Variants in CPNE2 observed in about 807,000 individuals in gnomAD.
CPNE2 encodes the protein copine 2.
In CPNE2, 42 loss-of-function variants were observed where a neutral mutation model predicts 69.7. The ratio of observed to expected loss-of-function variants is 0.60; its 90% CI spans 0.47 to 0.78. The LOEUF (loss-of-function observed/expected upper bound fraction) is 0.78. Ranked by LOEUF, CPNE2 falls within the 30% of genes least tolerant of loss-of-function variation. The probability of loss-of-function intolerance (pLI) is 0.00; values close to 1 mark genes in which losing one functional copy is unlikely to be tolerated. For missense variants in CPNE2, 587 were observed against 732.0 expected (o/e 0.80, Z 2.29); for synonymous variants, 294 against 289.8 (o/e 1.01, Z -0.15).
In CPNE2 at chr16:57,113,422, G is replaced by A. The variant is rs1256977162; in HGVS notation, c.315G>A (p.Leu105=). 1.9e-6 allele frequency: 3 copies of A among 1,614,092 alleles called. No homozygotes were observed. Among genetic ancestry groups the A allele is most frequent in the Admixed American group, 3.3e-5 (2 of 60,004 alleles). The change falls in exon 3 of 16, where the codon CTG becomes CTA. Residue 105 remains leucine (L), a synonymous_variant. Coordinates refer to ENST00000290776, the MANE Select transcript of CPNE2 (RefSeq NM_152727.6). ...ACCAGGACAAGTCCAGTATGCGGCT[G>A]GACGAGCATGACTTCCTGGGCCAGT... ...LFDQDKSSMR[L]DEHDFLGQFS...
chr16:57,126,025 T>C (rs1430836261), intron 11 of CPNE2, 32 bp downstream of exon 11: 1 of 1,612,360 alleles, frequency 6.2e-7, no homozygotes, highest in Non-Finnish European at 8.5e-7. Flanking sequence ...GAAGGTCAGC[T>C]AGGGTTCCAT....
rs1191408693 is a variant in CPNE2, at chr16:57,101,971, G to C, written c.-35-8737G>C. On this transcript the variant is annotated intron_variant, in intron 1 of 15. Transcript: ENST00000290776. ...TTTTCTTTTTTTTTTTTTTGAGACA[G>C]GGTCTCACTCTGTTGCCCAGCCTGG... is the stretch of plus-strand genomic sequence containing the variant. 7.4e-5 allele frequency among the ~76,000 whole-genome samples: 11 copies of C among 149,440 alleles called. No homozygotes were observed. In the East Asian group the frequency reaches 2.2e-3, roughly 30 times the overall value.
chr16:57,105,427 C>T (rs1466176545), intron 1 of CPNE2, among the ~76,000 whole-genome samples: 1 of 150,054 alleles, frequency 6.7e-6, no homozygotes, highest in Admixed American at 6.6e-5. Context: ...TCCTATGTGT[C>T]CGGTTTTTTT....
chr16:57,116,978 C>G (rs1189585643), intron 4 of CPNE2, among the ~76,000 whole-genome samples: 1 of 152,126 alleles, frequency 6.6e-6, no homozygotes, highest in Non-Finnish European at 1.5e-5. Flanking sequence ...GGGCTGGGGT[C>G]AGGGAACCAT....
chr16:57,126,005 GA>G lies in CPNE2; in HGVS notation c.1061+13del. ...CAGGACTACGACAGGTAAGGTTGGAGAGGGGCTCTGAAGGTCAGCTAGGGTT... is the reference window on the plus strand; with the variant it reads ...CAGGACTACGACAGGTAAGGTTGGAGGGGGCTCTGAAGGTCAGCTAGGGTT... On this transcript the variant is annotated intron_variant, in intron 11 of 15. Transcript: ENST00000290776. 1 of 1,613,876 alleles carries G rather than the reference GA, an allele frequency of 6.2e-7. No individual in the cohort carries two copies.
chr16:57,139,710 A>G (rs1488767547), intron 14 of CPNE2, among the ~76,000 whole-genome samples: 6 of 152,124 alleles, frequency 3.9e-5, no homozygotes, highest in Non-Finnish European at 7.4e-5. Context: ...GGCGGTTTCA[A>G]TAGGAGTGGG....
At position 57,110,749 on chromosome 16, in the gene CPNE2, C is replaced by T. The variant is rs2069675705; in HGVS notation, c.7C>T (p.His3Tyr). 6.2e-7 allele frequency: 1 copy of T among 1,610,666 alleles called. No homozygotes were observed. The highest frequency in any genetic ancestry group is 1.1e-5 in the South Asian group (1 of 90,744). The change falls in exon 2 of 16, where the codon CAC (histidine) becomes TAC (tyrosine). Residue 3 changes from histidine to tyrosine, a missense_variant. Coordinates refer to ENST00000290776, the MANE Select transcript of CPNE2 (RefSeq NM_152727.6). MA[H>Y]IPSGGAPAAG... ...GCCACCGCCACCGGCTCCCATGGCC[C>T]ACATACCCAGTGGGGGTGCCCCAGC...
At chr16:57,105,772 G>A (rs534595472) in intron 1 of CPNE2, among the ~76,000 whole-genome samples, 6 of 152,136 alleles carry the variant, frequency 3.9e-5, no homozygotes, top group Admixed American at 2.6e-4. Context: ...TTGCCTGGGG[G>A]GTCTGGTCAC....
At chr16:57,102,922 C>T (rs28535412) in intron 1 of CPNE2, among the ~76,000 whole-genome samples, 3 of 152,114 alleles carry the variant, frequency 2.0e-5, no homozygotes, top group Admixed American at 6.5e-5. Flanking sequence ...GTTTTAACCT[C>T]GCCCCCTTTA....
chr16:57,119,512 G>A (rs1295759560), intron 6 of CPNE2, 49 bp from the exon 7 acceptor site: 2 of 1,515,644 alleles, frequency 1.3e-6, no homozygotes, highest in South Asian at 1.1e-5. Context: ...CAACCCCAGA[G>A]CACTGCTGCC....
intron 2 of CPNE2, among the ~76,000 whole-genome samples, chr16:57,111,767 A>T (rs1354820074): frequency 6.6e-6 from 1 of 152,194 alleles, no homozygotes; most frequent in East Asian, 1.9e-4. Flanking sequence ...ATGGTGCCCC[A>T]GGCAAGGACT....
chr16:57,127,802 G>T (rs977886889), intron 11 of CPNE2, 47 bp from the exon 12 acceptor site: 1 of 1,592,346 alleles, frequency 6.3e-7, no homozygotes, highest in African/African-American at 1.4e-5. Flanking sequence ...GGGTCGGGTG[G>T]TGTCCTCAGG....
Position 57,119,215 on chromosome 16 carries a change from C to G in CPNE2, c.528C>G (p.Asp176Glu). 1 of 1,614,132 alleles carries G rather than the reference C, an allele frequency of 6.2e-7. No homozygotes were observed. The highest frequency in any genetic ancestry group is 2.2e-5 in the East Asian group (1 of 44,882). The change falls in exon 6 of 16, where the codon GAC (aspartate) becomes GAG (glutamate). Residue 176 changes from aspartate to glutamate, a missense_variant. Coordinates refer to ENST00000290776, the MANE Select transcript of CPNE2 (RefSeq NM_152727.6). ...LDKKDLFGKS[D>E]PFLEFYKPGD... ...CCCAGGACCTCTTTGGGAAGTCAGA[C>G]CCCTTTCTGGAGTTTTATAAGCCAG...
intron 12 of CPNE2, among the ~76,000 whole-genome samples, chr16:57,128,256 G>A (rs1297462297): frequency 1.3e-5 from 2 of 152,138 alleles, no homozygotes; most frequent in African/African-American, 2.4e-5. Context: ...TAGAGACAGA[G>A]TCTTGCTCTG....
At chr16:57,104,829 A>C (rs991751577) in intron 1 of CPNE2, among the ~76,000 whole-genome samples, 1 of 152,188 alleles carries the variant, frequency 6.6e-6, no homozygotes, top group Non-Finnish European at 1.5e-5. Flanking sequence ...GAAGAAAGGC[A>C]TTCCTGGAAA....
intron 1 of CPNE2, among the ~76,000 whole-genome samples, chr16:57,105,358 G>A (rs192621294): frequency 1.9e-3 from 289 of 152,234 alleles, no homozygotes; most frequent in African/African-American, 6.6e-3. Flanking sequence ...GTCCAAGCCT[G>A]TCCTGCCTAA....
chr16:57,140,419 G>T (rs1201990676), intron 14 of CPNE2, among the ~76,000 whole-genome samples: 2 of 151,866 alleles, frequency 1.3e-5, no homozygotes, highest in Non-Finnish European at 2.9e-5. Context: ...TGATCCGCCC[G>T]CCTCAGCCTC....
chr16:57,147,511 A>C, intron 15 of CPNE2, 40 bp from the exon 16 acceptor site: 1 of 1,397,070 alleles, frequency 7.2e-7, no homozygotes, highest in Non-Finnish European at 9.8e-7. Context: ...ATTAATCCTT[A>C]TTCTCTCTCT....
At chr16:57,112,201 G>A (rs2069685687) in intron 2 of CPNE2, among the ~76,000 whole-genome samples, 1 of 152,178 alleles carries the variant, frequency 6.6e-6, no homozygotes, top group African/African-American at 2.4e-5. Context: ...GGGGGAAACA[G>A]GGGCCCCAGA....
Sources: gnomAD v4.1 joint callset for allele counts (sites outside exome capture counted in the v4.1 genomes callset) on GRCh38, gnomAD v4.1.1 for gene constraint, MANE v1.5 for transcripts, NCBI Gene and HGNC (gene_info 2026-07-23, HGNC 2026-07-21) for gene names.